XRN1: variants seen among roughly 807,000 people sequenced by gnomAD.
XRN1 encodes the protein strand-exchange protein 1 homolog.
Under a neutral mutation model 222.3 loss-of-function variants are expected in XRN1, and 67 were observed. That is an observed-to-expected ratio of 0.30 (90% CI 0.25 to 0.37). The LOEUF is 0.37. XRN1 is among the 10% of genes least tolerant of loss of function. The pLI is 1.00. For missense variants in XRN1, 1,707 were observed against 2,000.2 expected (o/e 0.85, Z 2.80); for synonymous variants, 643 against 652.4 (o/e 0.99, Z 0.22).
At chr3:142,324,822 T>G (rs960237782) in intron 37 of XRN1, among the ~76,000 whole-genome samples, 11 of 152,190 alleles carry the variant, frequency 7.2e-5, no homozygotes, top group Non-Finnish European at 1.6e-4. Flanking sequence ...ATTGTGGTTT[T>G]GATTTGCATT....
intron 25 of XRN1, among the ~76,000 whole-genome samples, chr3:142,375,440 A>G (rs2067114466): frequency 6.6e-6 from 1 of 152,214 alleles, no homozygotes; most frequent in African/African-American, 2.4e-5. Flanking sequence ...ATAGCTACAT[A>G]GTTCTAAGAA....
intron 1 of XRN1, among the ~76,000 whole-genome samples, chr3:142,446,273 A>C (rs1197582984): frequency 6.6e-6 from 1 of 152,200 alleles, no homozygotes; most frequent in Non-Finnish European, 1.5e-5. Flanking sequence ...ACCATCTTTA[A>C]GTTCTACTTA....
chr3:142,352,745 T>C (rs2066344243), intron 32 of XRN1, among the ~76,000 whole-genome samples: 1 of 152,196 alleles, frequency 6.6e-6, no homozygotes, highest in Non-Finnish European at 1.5e-5. Flanking sequence ...GTTCAAGTGA[T>C]TCTCCTGCCT....
At chr3:142,372,226 G>A (rs1352683792) in intron 25 of XRN1, among the ~76,000 whole-genome samples, 2 of 152,132 alleles carry the variant, frequency 1.3e-5, no homozygotes, top group African/African-American at 4.8e-5. Context: ...CGGACTTAGG[G>A]GTGAGGAAGG....
chr3:142,348,263 A>G (rs1443555635), intron 32 of XRN1, among the ~76,000 whole-genome samples: 2 of 152,142 alleles, frequency 1.3e-5, no homozygotes, highest in African/African-American at 4.8e-5. Context: ...GCACACTTAC[A>G]TTCCCTTCCA....
intron 20 of XRN1, among the ~76,000 whole-genome samples, chr3:142,390,288 T>C (rs2067667739): frequency 6.6e-6 from 1 of 152,358 alleles, no homozygotes; most frequent in African/African-American, 2.4e-5. Context: ...TCTGCACCTA[T>C]GGAAGTCCAG....
chr3:142,313,246 T>C (rs1401215817), intron 39 of XRN1: 9 of 1,519,478 alleles, frequency 5.9e-6, no homozygotes, highest in Admixed American at 2.1e-5. Context: ...ATCTTTCTTT[T>C]CTCTATTTTA....
Position 142,328,616 on chromosome 3 carries a change from TG to T in XRN1, c.4404+817del, listed in dbSNP as rs542660681. 8.8e-5 allele frequency among the ~76,000 whole-genome samples: 13 copies of T among 148,282 alleles called. No homozygotes were observed. The East Asian group carries it at 2.6e-3, about 30-fold the overall frequency. On this transcript the variant is annotated intron_variant, in intron 37 of 40. Coordinates refer to ENST00000392981, the MANE Select transcript of XRN1 (RefSeq NM_001282857.2). Reference sequence around the variant, plus strand: ...AAAAGAATGTATATTCTACAGCTGTTGGATGAAATGTTCTACAGATGTCTAT... The same window carrying T: ...AAAAGAATGTATATTCTACAGCTGTTGATGAAATGTTCTACAGATGTCTAT...
At chr3:142,413,708 C>T (rs1042529785) in intron 14 of XRN1, among the ~76,000 whole-genome samples, 5 of 152,094 alleles carry the variant, frequency 3.3e-5, no homozygotes, top group African/African-American at 1.2e-4. Context: ...TGTTTAAAAA[C>T]AAACATATAC....
intron 20 of XRN1, among the ~76,000 whole-genome samples, chr3:142,393,831 A>G (rs1278071356): frequency 6.8e-6 from 1 of 147,402 alleles, no homozygotes; most frequent in African/African-American, 2.5e-5. Context: ...CTTCTCCCAG[A>G]CCTTTTTTTT....
chr3:142,347,252 G>T lies in XRN1; in HGVS notation c.3859C>A (p.His1287Asn). The T allele has an allele frequency of 6.2e-7, 1 of 1,604,822 alleles. No individual in the cohort carries two copies. ...DNSVKYQQRK[H>N]DPHRKFKEEC... ...AACTTACATTTTCTGTGAGGGTCAT[G>T]TTTTCTTTGCTGATATTTAACACTG... is the stretch of plus-strand genomic sequence containing the variant. Residue 1287 changes from histidine to asparagine, a missense_variant, in exon 33 of 41, where the codon CAT (histidine) becomes AAT (asparagine). Physicochemically the swap from His to Asn is moderately conservative, Grantham distance 68. Transcript: ENST00000392981.
At chr3:142,337,853 T>A (rs536545793) in intron 33 of XRN1, among the ~76,000 whole-genome samples, 60 of 152,236 alleles carry the variant, frequency 3.9e-4, no homozygotes, top group Non-Finnish European at 7.9e-4. Flanking sequence ...CTCTCCTCCA[T>A]AAAATCAACA....
At chr3:142,360,438 G>C (rs2066583860) in intron 29 of XRN1, among the ~76,000 whole-genome samples, 1 of 152,064 alleles carries the variant, frequency 6.6e-6, no homozygotes, top group South Asian at 2.1e-4. Context: ...ACATTTAGGT[G>C]ATTTCTAACT....
chr3:142,380,953 C>T (rs2067282892), intron 22 of XRN1, among the ~76,000 whole-genome samples: 3 of 151,676 alleles, frequency 2.0e-5, no homozygotes, highest in Non-Finnish European at 4.4e-5. Flanking sequence ...TGTGCTTGGC[C>T]CAATCATTCT....
At chr3:142,412,699 GAACT>G (rs113438457) in intron 14 of XRN1, 36 bp from the exon 15 acceptor site, 4 of 1,374,892 alleles carry the variant, frequency 2.9e-6, no homozygotes, top group African/African-American at 1.4e-5. Context: ...AGAAATATAA[GAACT>G]AATATCAATA....
chr3:142,366,315 C>A (rs1308202260), intron 27 of XRN1, among the ~76,000 whole-genome samples: 1 of 152,140 alleles, frequency 6.6e-6, no homozygotes, highest in Admixed American at 6.5e-5. Flanking sequence ...TACAAAAGGA[C>A]ACAGAACAGA....
At chr3:142,329,298 G>A (rs982213561) in intron 37 of XRN1, 136 bp downstream of exon 37, 1 of 525,372 alleles carries the variant, frequency 1.9e-6, no homozygotes, top group Admixed American at 4.5e-5. Context: ...GCTAGGGTAA[G>A]AAGCATAAAT....
chr3:142,370,677 T>C, intron 26 of XRN1, 57 bp from the exon 27 acceptor site: 1 of 1,446,250 alleles, frequency 6.9e-7, no homozygotes, highest in African/African-American at 1.5e-5. Context: ...GGGCTATAAA[T>C]TATAAAAGAC....
Position 142,439,598 on chromosome 3 carries a change from G to C in XRN1, c.76-6705C>G, listed in dbSNP as rs1035308025. 2.0e-5 allele frequency among the ~76,000 whole-genome samples: 3 copies of C among 152,284 alleles called. No homozygotes were observed. In the East Asian group the frequency reaches 5.8e-4, roughly 29 times the overall value. ...CATTGAAGGCCAACTAATCTTAAAG[G>C]ACAAGTTTATCAGTCAGCTGCAGAC... On this transcript the variant is annotated intron_variant, in intron 1 of 40. Transcript: ENST00000392981.
Sources: allele counts gnomAD v4.1 joint callset (sites outside exome capture counted in the v4.1 genomes callset), GRCh38; gene constraint gnomAD v4.1.1; transcripts MANE v1.5; gene names NCBI Gene and HGNC (gene_info 2026-07-23, HGNC 2026-07-21).